Variants in DNAH6 observed in about 807,000 individuals in gnomAD.
The protein encoded by DNAH6 is axonemal beta dynein heavy chain 6.
In DNAH6, 340 loss-of-function variants were observed where a neutral mutation model predicts 491.4. The observed-to-expected ratio is 0.69, with a 90% CI of 0.63 to 0.76. The LOEUF (loss-of-function observed/expected upper bound fraction) is 0.76, where lower values mean the gene tolerates loss of function less well. Among genes scored for constraint, DNAH6 ranks in the 30% least tolerant of loss-of-function variants. DNAH6 has a pLI of 0.00. For synonymous variants in DNAH6, 1,603 were observed against 1,686.1 expected (o/e 0.95, Z 1.21); for missense variants, 4,443 against 4,972.2 (o/e 0.89, Z 3.20).
chr2:84,793,204 A>G lies in DNAH6; in HGVS notation c.11240-3102A>G, dbSNP rs552906626. Among the ~76,000 whole-genome samples the G allele has an allele frequency of 1.1e-4, 16 of 146,666 alleles. No individual in the cohort carries two copies. The East Asian group carries it at 2.5e-3, about 23-fold the overall frequency. On this transcript the variant is annotated intron_variant, in intron 68 of 76. Coordinates refer to ENST00000389394, the MANE Select transcript of DNAH6 (RefSeq NM_001370.2). Reference sequence around the variant, plus strand: ...TGGACACCACCACACACACACACGCATGCACACACGTACACACACACGGGC... The same window carrying G: ...TGGACACCACCACACACACACACGCGTGCACACACGTACACACACACGGGC...
chr2:84,725,180 T>C (rs536934964), intron 60 of DNAH6, among the ~76,000 whole-genome samples: 2 of 152,340 alleles, frequency 1.3e-5, no homozygotes, highest in South Asian at 4.1e-4. Flanking sequence ...CATATAACAT[T>C]CCAACAATTC....
chr2:84,798,251 A>G (rs1341730099), intron 70 of DNAH6, among the ~76,000 whole-genome samples: 1 of 152,122 alleles, frequency 6.6e-6, no homozygotes, highest in Non-Finnish European at 1.5e-5. Flanking sequence ...CCCATGACCT[A>G]GGCCTGCTCA....
intron 2 of DNAH6, 88 bp from the exon 3 acceptor site, chr2:84,525,477 A>G (rs1676522842): frequency 7.6e-7 from 1 of 1,315,132 alleles, no homozygotes; most frequent in East Asian, 2.5e-5. Context: ...TCAATTTCCA[A>G]CAGGAGAAAG....
intron 37 of DNAH6, among the ~76,000 whole-genome samples, chr2:84,660,707 T>C (rs760006367): frequency 2.6e-5 from 4 of 152,154 alleles, no homozygotes; most frequent in Non-Finnish European, 2.9e-5. Flanking sequence ...CTTCCTGATA[T>C]GGGGCACTGT....
chr2:84,686,597 T>G, intron 44 of DNAH6, 40 bp downstream of exon 44: 1 of 1,144,948 alleles, frequency 8.7e-7, no homozygotes, highest in South Asian at 1.5e-5. Flanking sequence ...TTGAAAATTG[T>G]AAAGCATTTA....
At chr2:84,500,429 A>G in the DNAH6 span, among the ~76,000 whole-genome samples, 8 of 152,186 alleles carry the variant, frequency 5.3e-5, no homozygotes, top group Non-Finnish European at 1.5e-5. Context: ...TATGGTTACT[A>G]TAGCTCTGTA....
At chr2:84,506,137 G>C in the DNAH6 span, among the ~76,000 whole-genome samples, 1 of 152,196 alleles carries the variant, frequency 6.6e-6, no homozygotes, top group Non-Finnish European at 1.5e-5. Context: ...TCACCACACT[G>C]TCTTCCACAA....
At chr2:84,494,159 C>A in the DNAH6 span, among the ~76,000 whole-genome samples, 1 of 152,134 alleles carries the variant, frequency 6.6e-6, no homozygotes, top group Admixed American at 6.5e-5. Context: ...AAGAGTCTGG[C>A]TGCACTGGAG....
At chr2:84,603,807 A>G (rs746197231) in intron 18 of DNAH6, among the ~76,000 whole-genome samples, 20 of 152,108 alleles carry the variant, frequency 1.3e-4, no homozygotes, top group Non-Finnish European at 2.5e-4. Context: ...ACATCAAGGG[A>G]TTTGTTCCAC....
At chr2:84,666,417 A>T (rs1692130220) in intron 37 of DNAH6, among the ~76,000 whole-genome samples, 1 of 152,192 alleles carries the variant, frequency 6.6e-6, no homozygotes, top group African/African-American at 2.4e-5. Context: ...CAGGATACAA[A>T]ATCAATGTGC....
chr2:84,557,681 A>G (rs1680194653), intron 10 of DNAH6, 54 bp from the exon 11 acceptor site: 1 of 544,784 alleles, frequency 1.8e-6, no homozygotes, highest in East Asian at 5.6e-5. Context: ...AAAAAAAAAA[A>G]AAATTTATAA....
chr2:84,794,112 C>T (rs1157765054), intron 68 of DNAH6, among the ~76,000 whole-genome samples: 2 of 152,150 alleles, frequency 1.3e-5, no homozygotes, highest in Non-Finnish European at 2.9e-5. Flanking sequence ...GCTGGGAAAA[C>T]TGGCTAGCCA....
intron 49 of DNAH6, among the ~76,000 whole-genome samples, chr2:84,702,479 G>A (rs951989081): frequency 6.6e-6 from 1 of 150,798 alleles, no homozygotes; most frequent in Non-Finnish European, 1.5e-5. Flanking sequence ...TTCTTACCTG[G>A]TTAAATGCCT....
At chr2:84,471,422 C>T in the DNAH6 span, among the ~76,000 whole-genome samples, 7 of 152,216 alleles carry the variant, frequency 4.6e-5, no homozygotes, top group Admixed American at 1.3e-4. Flanking sequence ...ACCCTTAATC[C>T]TAGGAGTTGC....
chr2:84,734,573 AT>A (rs1247194211), intron 62 of DNAH6, among the ~76,000 whole-genome samples: 7 of 152,150 alleles, frequency 4.6e-5, no homozygotes, highest in African/African-American at 1.7e-4. Flanking sequence ...TGTTTTGTTT[AT>A]ATAAAATATT....
chr2:84,767,896 A>T (rs1675239577), intron 64 of DNAH6, among the ~76,000 whole-genome samples: 1 of 152,188 alleles, frequency 6.6e-6, no homozygotes, highest in Non-Finnish European at 1.5e-5. Context: ...AGAACATATT[A>T]AAAACAGATT....
At chr2:84,716,160 G>A (rs1486020940) in intron 58 of DNAH6, among the ~76,000 whole-genome samples, 1 of 146,158 alleles carries the variant, frequency 6.8e-6, no homozygotes, top group Non-Finnish European at 1.5e-5. Flanking sequence ...CATATATATG[G>A]GTATATATAT....
At chr2:84,733,371 T>C in intron 61 of DNAH6, 73 bp from the exon 62 acceptor site, 1 of 1,354,994 alleles carries the variant, frequency 7.4e-7, no homozygotes, top group Non-Finnish European at 1.0e-6. Flanking sequence ...GCTTGATTTT[T>C]CACTTGGACA....
At chr2:84,707,138 C>A in intron 53 of DNAH6, 119 bp downstream of exon 53, 2 of 1,150,990 alleles carry the variant, frequency 1.7e-6, no homozygotes, top group Non-Finnish European at 1.2e-6. Context: ...TTTCATTAGC[C>A]TCCTAGGATC....
Sources: gnomAD v4.1 joint callset for allele counts (sites outside exome capture counted in the v4.1 genomes callset) on GRCh38, gnomAD v4.1.1 for gene constraint, MANE v1.5 for transcripts, NCBI Gene and HGNC (gene_info 2026-07-23, HGNC 2026-07-21) for gene names.